Variants in RASAL2 observed in about 807,000 individuals in gnomAD.
RASAL2 encodes the protein RAS protein activator like 2, also known as ras GTPase-activating protein nGAP.
A neutral mutation model predicts 128.9 loss-of-function variants in RASAL2; 58 were observed. The observed-to-expected ratio is 0.45, with a 90% CI of 0.36 to 0.56. The LOEUF is 0.56. Ranked by LOEUF, RASAL2 falls within the 20% of genes least tolerant of loss-of-function variation. The pLI, the probability that RASAL2 is intolerant of heterozygous loss-of-function variation, is 0.00. For synonymous variants in RASAL2, 561 were observed against 580.8 expected (o/e 0.97, Z 0.49); for missense variants, 1,360 against 1,601.6 (o/e 0.85, Z 2.57).
chr1:178,097,958 G>C (rs1327292827), intron 1 of RASAL2, among the ~76,000 whole-genome samples: 2 of 152,122 alleles, frequency 1.3e-5, no homozygotes, highest in African/African-American at 4.8e-5. Context: ...CTTTATAATA[G>C]GTGGCTCTAT....
chr1:178,390,044 GA>G (rs1672802630), intron 3 of RASAL2, 55 bp from the exon 4 acceptor site: 1 of 1,143,948 alleles, frequency 8.7e-7, no homozygotes, highest in Non-Finnish European at 1.3e-6. Flanking sequence ...CAGTTCAGTG[GA>G]AGATCCTAAA....
chr1:178,116,474 T>A (rs1259078632), intron 1 of RASAL2, among the ~76,000 whole-genome samples: 1 of 152,130 alleles, frequency 6.6e-6, no homozygotes, highest in Non-Finnish European at 1.5e-5. Flanking sequence ...AGTAGTATAA[T>A]AGTAGGAAGA....
rs183573878 is a variant in RASAL2, at chr1:178,140,601, T to G, written c.202+45907T>G. ...AGTATGTAGCCTGGCCTTTTTCGTT[T>G]AGCAATATGCAGTTAAAAGTTTCCT... On this transcript the variant is annotated intron_variant, in intron 1 of 17. Coordinates refer to ENST00000367649, the MANE Select transcript of RASAL2 (RefSeq NM_170692.4). Among the ~76,000 whole-genome samples the G allele has an allele frequency of 5.3e-5, 8 of 152,294 alleles. No individual in the cohort carries two copies. In the East Asian group the frequency reaches 1.3e-3, roughly 26 times the overall value.
At chr1:178,317,598 C>T (rs1225848682) in intron 3 of RASAL2, among the ~76,000 whole-genome samples, 1 of 149,512 alleles carries the variant, frequency 6.7e-6, no homozygotes, top group Admixed American at 6.7e-5. Context: ...TTGTAGTATT[C>T]TCTGATGGTA....
intron 14 of RASAL2, among the ~76,000 whole-genome samples, chr1:178,462,780 G>C (rs955763853): frequency 6.6e-6 from 1 of 152,160 alleles, no homozygotes; most frequent in African/African-American, 2.4e-5. Flanking sequence ...GAAATTTCTA[G>C]AAGTTCATTC....
chr1:178,121,461 T>A (rs1161512406), intron 1 of RASAL2, among the ~76,000 whole-genome samples: 1 of 152,078 alleles, frequency 6.6e-6, no homozygotes, highest in Admixed American at 6.5e-5. Context: ...AGAAATCAAG[T>A]ATTTCTGCTT....
At position 178,475,999 on chromosome 1, in the gene RASAL2, A is replaced by G. The variant is rs895098080; in HGVS notation, c.*2760A>G. The G allele has an allele frequency of 6.6e-6, 1 of 152,256 alleles. No homozygotes were observed. The highest frequency in any genetic ancestry group is 1.5e-5 in the Non-Finnish European group (1 of 68,042). The allele number at this position is 152,256 out of a possible 1,614,324, so 9.4% of individuals were successfully genotyped here. On this transcript the variant is annotated 3_prime_UTR_variant, in exon 18 of 18. Coordinates refer to ENST00000367649, the MANE Select transcript of RASAL2 (RefSeq NM_170692.4). ...TTTTTTAAGAAGAGAAGCCACCAAC[A>G]GGTGATAATTTTTATGGAGATGTTT...
intron 3 of RASAL2, among the ~76,000 whole-genome samples, chr1:178,334,738 C>CA (rs1669504939): frequency 6.6e-6 from 1 of 152,044 alleles, no homozygotes; most frequent in Non-Finnish European, 1.5e-5. Flanking sequence ...GGGGATGGAC[C>CA]CATGAGGTCA....
intron 1 of RASAL2, among the ~76,000 whole-genome samples, chr1:178,228,473 C>T (rs1663872940): frequency 2.0e-5 from 3 of 152,086 alleles, no homozygotes; most frequent in Admixed American, 2.0e-4. Flanking sequence ...ACCCCAGCTA[C>T]TTGGGAGGCT....
intron 3 of RASAL2, among the ~76,000 whole-genome samples, chr1:178,355,960 G>A (rs1029669381): frequency 5.3e-5 from 8 of 152,174 alleles, no homozygotes; most frequent in Admixed American, 4.6e-4. Context: ...TACGAGGTCA[G>A]GAGTTCAAGA....
intron 1 of RASAL2, among the ~76,000 whole-genome samples, chr1:178,129,725 G>A (rs1035688125): frequency 5.3e-5 from 8 of 151,504 alleles, no homozygotes; most frequent in African/African-American, 1.5e-4. Flanking sequence ...ATTTAGACCC[G>A]TGATCCATTT....
intron 1 of RASAL2, among the ~76,000 whole-genome samples, chr1:178,150,175 A>G (rs547000430): frequency 1.3e-5 from 2 of 152,250 alleles, no homozygotes; most frequent in African/African-American, 4.8e-5. Context: ...AAGAAATTAC[A>G]GTATATTGGG....
intron 1 of RASAL2, among the ~76,000 whole-genome samples, chr1:178,236,279 T>C (rs1241610922): frequency 2.0e-5 from 3 of 152,296 alleles, no homozygotes; most frequent in East Asian, 3.9e-4. Context: ...TAATAGAATT[T>C]ATCTCTTCAT....
intron 3 of RASAL2, among the ~76,000 whole-genome samples, chr1:178,364,645 G>A (rs1451267972): frequency 2.0e-5 from 3 of 152,158 alleles, no homozygotes; most frequent in Non-Finnish European, 2.9e-5. Flanking sequence ...TACTTACAGA[G>A]CAGTGCTAAT....
At position 178,384,039 on chromosome 1, in the gene RASAL2, G is replaced by A. The variant is rs372743952; in HGVS notation, c.458-6061G>A. 2.6e-5 allele frequency among the ~76,000 whole-genome samples: 4 copies of A among 152,218 alleles called. No individual in the cohort carries two copies. In the East Asian group the frequency reaches 7.7e-4, roughly 29 times the overall value. On this transcript the variant is annotated intron_variant, in intron 3 of 17. Transcript: ENST00000367649. Reference sequence around the variant, plus strand: ...GTAAACTGAAGAATTCACTTTATGAGAAAAACATTAGAAACTTGTTTCCTA... The same window carrying A: ...GTAAACTGAAGAATTCACTTTATGAAAAAAACATTAGAAACTTGTTTCCTA...
At chr1:178,372,460 C>T (rs1379799605) in intron 3 of RASAL2, 2 of 677,452 alleles carry the variant, frequency 3.0e-6, no homozygotes, top group East Asian at 1.3e-4. Context: ...ATGTTTAAGT[C>T]GTTTGCTTTT....
At chr1:178,416,419 A>G (rs1000825367) in intron 4 of RASAL2, among the ~76,000 whole-genome samples, 2 of 152,034 alleles carry the variant, frequency 1.3e-5, no homozygotes, top group Admixed American at 6.5e-5. Flanking sequence ...AGTATACATA[A>G]GCATATATAT....
At chr1:178,100,689 A>G (rs1054933509) in intron 1 of RASAL2, among the ~76,000 whole-genome samples, 2 of 152,190 alleles carry the variant, frequency 1.3e-5, no homozygotes, top group East Asian at 1.9e-4. Flanking sequence ...CCTTTGTTTC[A>G]TTAGAAGGAA....
At chr1:178,369,165 T>C (rs1557935347) in intron 3 of RASAL2, among the ~76,000 whole-genome samples, 1 of 152,078 alleles carries the variant, frequency 6.6e-6, no homozygotes, top group Non-Finnish European at 1.5e-5. Context: ...CCTCATTTTC[T>C]TTTTTCTTTT....
Sources: allele counts gnomAD v4.1 joint callset (sites outside exome capture counted in the v4.1 genomes callset), GRCh38; gene constraint gnomAD v4.1.1; transcripts MANE v1.5; gene names NCBI Gene and HGNC (gene_info 2026-07-23, HGNC 2026-07-21).